The following GRID1 variants were observed in gnomAD, a reference collection of about 807,000 sequenced individuals.
GRID1 encodes the protein glutamate receptor ionotropic, delta-1.
GRID1 carries 28 observed loss-of-function variants against 98.0 expected under a neutral mutation model. The ratio of observed to expected loss-of-function variants is 0.29; its 90% confidence interval spans 0.21 to 0.39. The LOEUF is 0.39. GRID1 is among the 10% of genes least tolerant of loss of function. The pLI is 1.00. For missense variants in GRID1, 1,111 were observed against 1,340.5 expected (o/e 0.83, Z 2.67); for synonymous variants, 553 against 538.5 (o/e 1.03, Z -0.37).
At chr10:85,734,683 C>T (rs143704050) in intron 8 of GRID1, among the ~76,000 whole-genome samples, 80 of 152,312 alleles carry the variant, frequency 5.3e-4, no homozygotes, top group African/African-American at 1.9e-3. Flanking sequence ...TCACATCAGA[C>T]AGAAGCCAAG....
chr10:86,141,917 G>T (rs532715607), intron 3 of GRID1, among the ~76,000 whole-genome samples: 84 of 152,360 alleles, frequency 5.5e-4, no homozygotes, highest in Admixed American at 2.4e-3. Context: ...CTAATCCCAG[G>T]CTTTTTGTTC....
intron 2 of GRID1, among the ~76,000 whole-genome samples, chr10:86,327,486 T>C (rs761812194): frequency 1.3e-5 from 2 of 152,224 alleles, no homozygotes; most frequent in East Asian, 1.9e-4. Context: ...AATGCCAATA[T>C]TGAGTCATGG....
At chr10:85,724,880 C>T (rs1283850667) in intron 10 of GRID1, among the ~76,000 whole-genome samples, 1 of 152,242 alleles carries the variant, frequency 6.6e-6, no homozygotes, top group Non-Finnish European at 1.5e-5. Flanking sequence ...ACAAGTCTCT[C>T]TCTTCTAAAA....
intron 4 of GRID1, among the ~76,000 whole-genome samples, chr10:86,135,983 C>A (rs1198928677): frequency 6.6e-6 from 1 of 151,956 alleles, no homozygotes; most frequent in East Asian, 1.9e-4. Flanking sequence ...CATTGACATG[C>A]AGTTGATGTG....
chr10:85,965,472 T>C (rs1416831443), intron 4 of GRID1, among the ~76,000 whole-genome samples: 1 of 152,176 alleles, frequency 6.6e-6, no homozygotes, highest in African/African-American at 2.4e-5. Flanking sequence ...AAAGATGAGT[T>C]CATGTCCTTT....
intron 4 of GRID1, among the ~76,000 whole-genome samples, chr10:85,931,507 T>C (rs1841850421): frequency 6.6e-6 from 1 of 152,212 alleles, no homozygotes; most frequent in South Asian, 2.1e-4. Context: ...CTTTGCCTTT[T>C]TGCTTTACTT....
At chr10:86,281,425 C>T (rs1847355602) in intron 2 of GRID1, among the ~76,000 whole-genome samples, 1 of 152,190 alleles carries the variant, frequency 6.6e-6, no homozygotes, top group South Asian at 2.1e-4. Flanking sequence ...CTCACCAGAG[C>T]TGTCCTGGGC....
intron 2 of GRID1, among the ~76,000 whole-genome samples, chr10:86,238,581 A>G (rs1366392048): frequency 6.6e-6 from 1 of 151,748 alleles, no homozygotes; most frequent in Non-Finnish European, 1.5e-5. Flanking sequence ...GAGGCAGGAG[A>G]ATCACTTGAA....
At chr10:85,728,191 C>A (rs886637600) in intron 9 of GRID1, 139 bp from the exon 10 acceptor site, 3 of 682,516 alleles carry the variant, frequency 4.4e-6, no homozygotes, top group Admixed American at 4.6e-5. Context: ...ACTTCTCTGC[C>A]TTTTTCTAAA....
intron 3 of GRID1, among the ~76,000 whole-genome samples, chr10:86,191,868 T>C (rs1845807118): frequency 6.6e-6 from 1 of 152,146 alleles, no homozygotes; most frequent in Admixed American, 6.5e-5. Context: ...CTGAATGACC[T>C]GGAGTGGGCC....
At chr10:86,150,769 T>G (rs1226912935) in intron 3 of GRID1, among the ~76,000 whole-genome samples, 2 of 152,192 alleles carry the variant, frequency 1.3e-5, no homozygotes. Context: ...TTGGAATTAG[T>G]GGCCTTATAA....
chr10:85,962,806 C>T (rs991961771), intron 4 of GRID1, among the ~76,000 whole-genome samples: 1 of 152,162 alleles, frequency 6.6e-6, no homozygotes, highest in African/African-American at 2.4e-5. Flanking sequence ...ATCCTTTCTT[C>T]CTAACCCTCT....
At chr10:86,272,098 C>T (rs1378075676) in intron 2 of GRID1, among the ~76,000 whole-genome samples, 1 of 151,852 alleles carries the variant, frequency 6.6e-6, no homozygotes, top group Non-Finnish European at 1.5e-5. Context: ...AGAAACAATA[C>T]AAATAGAAGA....
chr10:85,936,093 C>T (rs1418605728), intron 4 of GRID1, among the ~76,000 whole-genome samples: 1 of 152,110 alleles, frequency 6.6e-6, no homozygotes, highest in Non-Finnish European at 1.5e-5. Flanking sequence ...GGGTGGGGTG[C>T]ACAGGATATT....
At chr10:85,752,911 T>C (rs1263698403) in intron 8 of GRID1, among the ~76,000 whole-genome samples, 2 of 152,208 alleles carry the variant, frequency 1.3e-5, no homozygotes, top group Admixed American at 1.3e-4. Flanking sequence ...CAGGTGGATA[T>C]AAATTATAAT....
intron 4 of GRID1, among the ~76,000 whole-genome samples, chr10:86,019,630 G>C (rs1310090609): frequency 6.6e-6 from 1 of 152,254 alleles, no homozygotes; most frequent in Non-Finnish European, 1.5e-5. Flanking sequence ...CTGGGTGGAA[G>C]TTGGCATCTC....
At chr10:85,679,343 T>C (rs1841180984) in intron 12 of GRID1, among the ~76,000 whole-genome samples, 1 of 152,226 alleles carries the variant, frequency 6.6e-6, no homozygotes, top group South Asian at 2.1e-4. Flanking sequence ...GATTTCTCAG[T>C]CTACAGTATA....
rs1226486043 is a variant in GRID1 at position 85,790,167 on chromosome 10, A to G, written c.1234-60553T>C. On this transcript the variant is annotated intron_variant, in intron 8 of 15. Coordinates refer to ENST00000327946, the MANE Select transcript of GRID1 (RefSeq NM_017551.3). Reference sequence around the variant, plus strand: ...TCCAGCATGACTGAGCCTGTCCACCAAAGCGGGTGAGGGCCAGCCCCAGAT... The same window carrying G: ...TCCAGCATGACTGAGCCTGTCCACCGAAGCGGGTGAGGGCCAGCCCCAGAT... 2.0e-5 allele frequency among the ~76,000 whole-genome samples: 3 copies of G among 152,216 alleles called. No homozygotes were observed. The South Asian group carries it at 6.2e-4, about 31-fold the overall frequency.
intron 3 of GRID1, among the ~76,000 whole-genome samples, chr10:86,175,155 G>C (rs1293077753): frequency 6.6e-6 from 1 of 152,162 alleles, no homozygotes; most frequent in African/African-American, 2.4e-5. Flanking sequence ...GAATATGCGT[G>C]GCAGGGGAAG....
Sources: gnomAD v4.1 joint callset for allele counts (sites outside exome capture counted in the v4.1 genomes callset) on GRCh38, gnomAD v4.1.1 for gene constraint, MANE v1.5 for transcripts, NCBI Gene and HGNC (gene_info 2026-07-23, HGNC 2026-07-21) for gene names.